Variants in KHK observed in about 807,000 individuals in gnomAD.
The protein encoded by KHK is fructokinase.
In KHK, 37 loss-of-function variants were observed where a neutral mutation model predicts 36.0. That is an observed-to-expected ratio of 1.03 (90% CI 0.79 to 1.35). The LOEUF is 1.35. Among genes scored for constraint, KHK ranks in the 40% most tolerant of loss-of-function variants. The pLI, the probability that KHK is intolerant of heterozygous loss-of-function variation, is 0.00. For missense variants in KHK, 395 were observed against 391.9 expected (o/e 1.01, Z -0.07); for synonymous variants, 161 against 162.8 (o/e 0.99, Z 0.08).
rs886055884 is a variant in KHK, at chr2:27,087,120, G to A, written c.-140G>A. 11 of 675,166 alleles carry A rather than the reference G, an allele frequency of 1.6e-5. No individual in the cohort carries two copies. The East Asian group carries it at 3.0e-4, about 19-fold the overall frequency. 41.8% of individuals were successfully genotyped at this position (675,166 alleles called of 1,614,324 possible). A position where few individuals can be genotyped will look rare whatever the true frequency, so the allele number is the denominator to read the frequency against. On this transcript the variant is annotated 5_prime_UTR_variant, in exon 1 of 8. The change creates a new upstream start codon in the 5' untranslated region. Transcript: ENST00000260598. Reference sequence around the variant, plus strand: ...TTCCCTGCACCCCTGGCCGCTGCAGGTGGCTCCCTGGAGGAGGAGCTCCCA... The same window carrying A: ...TTCCCTGCACCCCTGGCCGCTGCAGATGGCTCCCTGGAGGAGGAGCTCCCA...
chr2:27,096,820 G>A lies in KHK; in HGVS notation c.417+19G>A. On this transcript the variant is annotated intron_variant, in intron 4 of 7. Coordinates refer to ENST00000260598, the MANE Select transcript of KHK (RefSeq NM_006488.3). ...CATTGAGGTAAGCCCTGCCTTACCT[G>A]TGTTTCAAGGGGCTCAACCTGCCAG... is the stretch of plus-strand genomic sequence containing the variant. 6.3e-7 allele frequency: 1 copy of A among 1,588,752 alleles called. No homozygotes were observed. The highest frequency in any genetic ancestry group is 2.2e-5 in the East Asian group (1 of 44,774).
At chr2:27,097,392 G>A in intron 4 of KHK, 111 bp from the exon 5 acceptor site, 2 of 1,426,676 alleles carry the variant, frequency 1.4e-6, no homozygotes, top group Non-Finnish European at 1.9e-6. Flanking sequence ...TTCTAGCCCA[G>A]CCTCCCCGAG....
chr2:27,094,593 C>A (rs913305349), intron 2 of KHK: 8 of 1,614,194 alleles, frequency 5.0e-6, no homozygotes, highest in Non-Finnish European at 6.8e-6. Flanking sequence ...GGTAGCCGCA[C>A]CATCCTATAC....
intron 2 of KHK, among the ~76,000 whole-genome samples, chr2:27,093,073 C>T (rs563946640): frequency 6.6e-6 from 1 of 152,206 alleles, no homozygotes; most frequent in Admixed American, 6.5e-5. Flanking sequence ...TGACCCCTGG[C>T]GCTGCCGACT....
At chr2:27,089,686 A>T (rs1291319553) in intron 1 of KHK, among the ~76,000 whole-genome samples, 1 of 152,164 alleles carries the variant, frequency 6.6e-6, no homozygotes, top group Non-Finnish European at 1.5e-5. Context: ...GGTTCCCTGC[A>T]GCCTGGCTCC....
chr2:27,087,190 C>T lies in KHK; in HGVS notation c.-70C>T, dbSNP rs1669706697. 2 of 1,345,994 alleles carry T rather than the reference C, an allele frequency of 1.5e-6. No homozygotes were observed. The highest frequency in any genetic ancestry group is 2.0e-5 in the Admixed American group (1 of 49,954). The allele number at this position is 1,345,994 out of a possible 1,614,324, so 83.4% of individuals were successfully genotyped here. ...CAGCTGGGAGCGGGGACACCATCCTCCTGGATAAGAGGCAGAGGCCGGGAG... is the reference window on the plus strand; with the variant it reads ...CAGCTGGGAGCGGGGACACCATCCTTCTGGATAAGAGGCAGAGGCCGGGAG... On this transcript the variant is annotated 5_prime_UTR_variant, in exon 1 of 8. Coordinates refer to ENST00000260598, the MANE Select transcript of KHK (RefSeq NM_006488.3).
intron 2 of KHK, among the ~76,000 whole-genome samples, chr2:27,093,135 G>A (rs1302031030): frequency 6.6e-6 from 1 of 152,204 alleles, no homozygotes; most frequent in Non-Finnish European, 1.5e-5. Flanking sequence ...CTGTGGGCAC[G>A]GGGGCAGGCT....
intron 1 of KHK, 68 bp from the exon 2 acceptor site, chr2:27,092,264 C>G: frequency 8.6e-7 from 1 of 1,165,428 alleles, no homozygotes; most frequent in Non-Finnish European, 1.3e-6. Context: ...TTCTGTAGGC[C>G]CCTATACAGG....
chr2:27,097,783 G>A, intron 5 of KHK, 134 bp downstream of exon 5: 1 of 1,291,490 alleles, frequency 7.7e-7, no homozygotes, highest in South Asian at 1.2e-5. Context: ...GATGGGGGAT[G>A]GGGGTTAAAG....
rs776211602 is a variant in KHK at position 27,087,368 on chromosome 2, C to T, written c.92+17C>T. ...GGAGATAAGGTAGGGGCGCCCAGGT[C>T]CCCTAGGGGACCCCAGGGGCTGCTG... On this transcript the variant is annotated intron_variant, in intron 1 of 7. Transcript: ENST00000260598. 11 of 1,556,406 alleles carry T rather than the reference C, an allele frequency of 7.1e-6. No individual in the cohort carries two copies. Among genetic ancestry groups the T allele is most frequent in the Middle Eastern group, 1.7e-4 (1 of 5,974 alleles).
At position 27,086,911 on chromosome 2, in the gene KHK, A is replaced by T; in HGVS notation, c.-349A>T. 4.6e-6 allele frequency: 1 copy of T among 216,966 alleles called. No individual in the cohort carries two copies. The highest frequency in any genetic ancestry group is 9.2e-6 in the Non-Finnish European group (1 of 108,306). The allele number at this position is 216,966 out of a possible 1,614,324, so 13.4% of individuals were successfully genotyped here. A position where few individuals can be genotyped will look rare whatever the true frequency, so the allele number is the denominator to read the frequency against. On this transcript the variant is annotated 5_prime_UTR_variant, in exon 1 of 8. It adds an upstream start codon to the 5' untranslated region. Transcript: ENST00000260598. ...GAGATCGCTTAGCCGCGCTTTAAAA[A>T]GGTTTGCATCAGCTGTGAGTCCATC...
chr2:27,087,201 G>A lies in KHK; in HGVS notation c.-59G>A. On this transcript the variant is annotated 5_prime_UTR_variant, in exon 1 of 8. Transcript: ENST00000260598. ...GGGGACACCATCCTCCTGGATAAGA[G>A]GCAGAGGCCGGGAGGAACCCCGTCA... 2.1e-6 allele frequency: 3 copies of A among 1,413,750 alleles called. No individual in the cohort carries two copies. Among genetic ancestry groups the A allele is most frequent in the Non-Finnish European group, 9.8e-7 (1 of 1,021,942 alleles). 87.6% of individuals were successfully genotyped at this position (1,413,750 alleles called of 1,614,324 possible). A position where few individuals can be genotyped will look rare whatever the true frequency, so the allele number is the denominator to read the frequency against.
At chr2:27,097,122 A>C in intron 4 of KHK, among the ~76,000 whole-genome samples, 1 of 152,074 alleles carries the variant, frequency 6.6e-6, no homozygotes, top group South Asian at 2.1e-4. Context: ...CTGACCCATT[A>C]CCTCTGGGGA....
chr2:27,099,619 C>T, intron 7 of KHK, 42 bp downstream of exon 7: 1 of 1,614,082 alleles, frequency 6.2e-7, no homozygotes, highest in Middle Eastern at 1.7e-4. Context: ...GGGACCTGTC[C>T]CTGCCCCAAA....
At chr2:27,099,358 C>T (rs1329475216) in intron 6 of KHK, 62 bp from the exon 7 acceptor site, 1 of 1,612,300 alleles carries the variant, frequency 6.2e-7, no homozygotes, top group Admixed American at 1.7e-5. Flanking sequence ...CGCCCTGGAG[C>T]TGGGAGGATG....
intron 4 of KHK, 84 bp from the exon 5 acceptor site, chr2:27,097,419 C>T: frequency 1.3e-6 from 2 of 1,586,966 alleles, no homozygotes. Context: ...TCCCTCCTCA[C>T]CCAGAGTTTC....
At chr2:27,094,680 C>A in intron 2 of KHK, 120 bp from the exon 3 acceptor site, 1 of 1,613,426 alleles carries the variant, frequency 6.2e-7, no homozygotes, top group Non-Finnish European at 8.5e-7. Flanking sequence ...CAGGACTCTT[C>A]TTCTCTTAGA....
chr2:27,099,377 G>T (rs779921285), intron 6 of KHK, 43 bp from the exon 7 acceptor site: 3 of 1,611,850 alleles, frequency 1.9e-6, no homozygotes, highest in Non-Finnish European at 2.5e-6. Context: ...TGGCTGGGGG[G>T]ACGGGGTGGG....
intron 2 of KHK, chr2:27,094,528 C>G: frequency 6.2e-7 from 1 of 1,614,166 alleles, no homozygotes; most frequent in Non-Finnish European, 8.5e-7. Context: ...GCTACACAGT[C>G]TTTCAGACCA....
Sources: allele counts gnomAD v4.1 joint callset (sites outside exome capture counted in the v4.1 genomes callset), GRCh38; gene constraint gnomAD v4.1.1; transcripts MANE v1.5; gene names NCBI Gene and HGNC (gene_info 2026-07-23, HGNC 2026-07-21).